SPOUT1: variants seen among roughly 807,000 people sequenced by gnomAD.
The protein encoded by SPOUT1 is 28S rRNA (uridine-N(3))-methyltransferase.
A neutral mutation model predicts 54.8 loss-of-function variants in SPOUT1; 40 were observed. The ratio of observed to expected loss-of-function variants is 0.73; its 90% CI spans 0.57 to 0.95. The LOEUF (loss-of-function observed/expected upper bound fraction) is 0.95, where lower values mean the gene tolerates loss of function less well. Ranked by LOEUF, SPOUT1 falls within the 40% of genes least tolerant of loss-of-function variation. The probability of loss-of-function intolerance (pLI) is 0.00; values close to 1 mark genes in which losing one functional copy is unlikely to be tolerated. For missense variants in SPOUT1, 437 were observed against 499.5 expected (o/e 0.87, Z 1.19); for synonymous variants, 193 against 200.3 (o/e 0.96, Z 0.31).
rs1830156188 is a variant in SPOUT1 at position 128,822,886 on chromosome 9, C to T, written c.1063-53G>A. 3 of 1,344,188 alleles carry T rather than the reference C, an allele frequency of 2.2e-6. No individual in the cohort carries two copies. In the African/African-American group the frequency reaches 4.3e-5, roughly 19 times the overall value. 83.3% of individuals were successfully genotyped at this position (1,344,188 alleles called of 1,614,324 possible). A position where few individuals can be genotyped will look rare whatever the true frequency, so the allele number is the denominator to read the frequency against. ...GGGCCTGGGGGGCTAGCGGGTGCCC[C>T]CGCTCCCAGCCTGTCTTCAGTGCCT... On this transcript the variant is annotated intron_variant, in intron 11 of 11. Transcript: ENST00000361256.
chr9:128,824,731 G>GGGAT (rs1830203944), intron 9 of SPOUT1, 40 bp downstream of exon 9: 3 of 1,495,220 alleles, frequency 2.0e-6, no homozygotes, highest in African/African-American at 1.4e-5. Flanking sequence ...ACCTCCCAGA[G>GGGAT]GGATGGATGG....
In SPOUT1 at chr9:128,826,754, C is replaced by T. The variant is rs2997913; in HGVS notation, c.369-125G>A. 0.66 allele frequency: 466,470 copies of T among 706,870 alleles called. 163,243 individuals carry two copies. Among genetic ancestry groups the T allele is most frequent in the Non-Finnish European group, 0.72 (309,703 of 428,046 alleles). 43.8% of individuals were successfully genotyped at this position (706,870 alleles called of 1,614,324 possible). On this transcript the variant is annotated intron_variant, in intron 4 of 11. Transcript: ENST00000361256. The surrounding 1 kb of genome is among the most constrained non-coding windows in gnomAD (Gnocchi z 5.5). ...AGGTGGGAGGATCATCTGAGTGCAGCAAGTAGAGGCTGCAGTGAGCCATGA... is the reference window on the plus strand; with the variant it reads ...AGGTGGGAGGATCATCTGAGTGCAGTAAGTAGAGGCTGCAGTGAGCCATGA...
In SPOUT1 at chr9:128,826,150, G is replaced by A; in HGVS notation, c.511C>T (p.Leu171Phe). The A allele has an allele frequency of 1.9e-6, 3 of 1,604,122 alleles. No individual in the cohort carries two copies. The highest frequency in any genetic ancestry group is 2.7e-5 in the African/African-American group (2 of 74,866). Residue 171 changes from leucine (L) to phenylalanine (F), a missense_variant and splice_region_variant, in exon 7 of 12, where the codon CTC becomes TTC. By Grantham distance (22) the Leu-to-Phe change is conservative. Coordinates refer to ENST00000361256, the MANE Select transcript of SPOUT1 (RefSeq NM_016390.4). This position sits in a 1 kb window ranked among gnomAD's most constrained non-coding sequence, Gnocchi z 5.5. ...TGGGGGCTGTCCAGGGGGTTCAGGA[G>A]CCCTGTGGAGGCAGAGCCGGGAAGA... ...PKHQDLQFAG[L>F]LNPLDSPHHM...
intron 3 of SPOUT1, among the ~76,000 whole-genome samples, chr9:128,827,581 C>A (rs1830265302): frequency 6.6e-6 from 1 of 152,242 alleles, no homozygotes. Context: ...TGCCATTATC[C>A]CCATTTACAG....
chr9:128,826,438 G>A lies in SPOUT1; in HGVS notation c.459-5C>T, dbSNP rs1564436030. 1.2e-6 allele frequency: 2 copies of A among 1,613,926 alleles called. No individual in the cohort carries two copies. Among genetic ancestry groups the A allele is most frequent in the South Asian group, 1.1e-5 (1 of 91,082 alleles). On this transcript the variant is annotated splice_polypyrimidine_tract_variant and splice_region_variant and intron_variant, in intron 5 of 11. Coordinates refer to ENST00000361256, the MANE Select transcript of SPOUT1 (RefSeq NM_016390.4). The surrounding 1 kb of genome is among the most constrained non-coding windows in gnomAD (Gnocchi z 5.5). ...AAGAACGCCTTCCTCAGGTACCTAG[G>A]AAAGAATGCTGACCTCAGGATGTTC...
At position 128,829,746 on chromosome 9, in the gene SPOUT1, G is replaced by C. The variant is rs770160608; in HGVS notation, c.35C>G (p.Pro12Arg). Residue 12 changes from proline to arginine, a missense_variant and splice_region_variant, in exon 1 of 12, where the codon CCG becomes CGG. Transcript: ENST00000361256. ...AERGRKRPCGPGEHGQRIEWR... is the reference protein window; with the variant it reads ...AERGRKRPCGRGEHGQRIEWR... Reference sequence around the variant, plus strand: ...CGGGGTCCCGCCGCCCGCACTTACCGGGCCGCACGGCCGCTTCCTGCCGCG... The same window carrying C: ...CGGGGTCCCGCCGCCCGCACTTACCCGGCCGCACGGCCGCTTCCTGCCGCG... The C allele has an allele frequency of 2.7e-5, 44 of 1,601,010 alleles. 1 individual carries two copies. Among genetic ancestry groups the C allele is most frequent in the South Asian group, 1.9e-4 (17 of 88,994 alleles).
intron 3 of SPOUT1, 144 bp from the exon 4 acceptor site, chr9:128,827,335 C>T: frequency 1.5e-6 from 1 of 681,842 alleles, no homozygotes; most frequent in Admixed American, 2.9e-5. Context: ...ATCCAGCTCC[C>T]CTCTCTGGGC....
rs1218490671 is a variant in SPOUT1 at position 128,822,286 on chromosome 9, C to T, written c.*479G>A. 2.5e-6 allele frequency: 4 copies of T among 1,592,706 alleles called. No homozygotes were observed. The highest frequency in any genetic ancestry group is 3.4e-6 in the Non-Finnish European group (4 of 1,169,088). On this transcript the variant is annotated 3_prime_UTR_variant, in exon 12 of 12. Coordinates refer to ENST00000361256, the MANE Select transcript of SPOUT1 (RefSeq NM_016390.4). ...TGCCTGGAAGAGGTGGCTTTGGGTT[C>T]ATCCAGGCCCCCTGCCCACGTGTGC...
Position 128,822,403 on chromosome 9 carries a change from C to G in SPOUT1, c.*362G>C, listed in dbSNP as rs139145426. On this transcript the variant is annotated 3_prime_UTR_variant, in exon 12 of 12. Transcript: ENST00000361256. ...ACCACGTGGCAGTGCCCACACACTT[C>G]TTCAAGGTGCTGATCCTGGAGGCAG... The G allele has an allele frequency of 6.2e-7, 1 of 1,611,864 alleles. No homozygotes were observed. The highest frequency in any genetic ancestry group is 8.5e-7 in the Non-Finnish European group (1 of 1,179,190).
rs376539429 is a variant in SPOUT1, at chr9:128,826,514, C to A, written c.458+26G>T. The A allele has an allele frequency of 6.2e-7, 1 of 1,610,132 alleles. No homozygotes were observed. Among genetic ancestry groups the A allele is most frequent in the Admixed American group, 1.7e-5 (1 of 59,956 alleles). ...TCTCCACTTTGACACACCCCTCCCT[C>A]ATGCTTAGGGGAGTGACCCCCTTAC... On this transcript the variant is annotated intron_variant, in intron 5 of 11. Transcript: ENST00000361256. The surrounding 1 kb of genome is among the most constrained non-coding windows in gnomAD (Gnocchi z 5.5).
rs555294119 is a variant in SPOUT1 at position 128,826,324 on chromosome 9, G to C, written c.508+60C>G. On this transcript the variant is annotated intron_variant, in intron 6 of 11. Coordinates refer to ENST00000361256, the MANE Select transcript of SPOUT1 (RefSeq NM_016390.4). The surrounding 1 kb of genome is among the most constrained non-coding windows in gnomAD (Gnocchi z 5.5). ...TGGACAGCGCAGGGTAGGACTGGGT[G>C]GTCTCAGTGTCTGTGGCATGATCCA... 1.5e-4 allele frequency: 244 copies of C among 1,585,820 alleles called. No individual in the cohort carries two copies. In the African/African-American group the frequency reaches 3.0e-3, roughly 19 times the overall value.
Position 128,826,148 on chromosome 9 carries a change from G to T in SPOUT1, c.513C>A (p.Leu171=). The T allele has an allele frequency of 6.2e-7, 1 of 1,604,172 alleles. No homozygotes were observed. Among genetic ancestry groups the T allele is most frequent in the Non-Finnish European group, 8.5e-7 (1 of 1,174,848 alleles). Residue 171 remains leucine (L), a synonymous_variant, in exon 7 of 12, where the codon CTC becomes CTA. Coordinates refer to ENST00000361256, the MANE Select transcript of SPOUT1 (RefSeq NM_016390.4). This position sits in a 1 kb window ranked among gnomAD's most constrained non-coding sequence, Gnocchi z 5.5. Reference sequence around the variant, plus strand: ...GGTGGGGGCTGTCCAGGGGGTTCAGGAGCCCTGTGGAGGCAGAGCCGGGAA... The same window carrying T: ...GGTGGGGGCTGTCCAGGGGGTTCAGTAGCCCTGTGGAGGCAGAGCCGGGAA... ...PKHQDLQFAG[L]LNPLDSPHHM...
rs1278184583 is a variant in SPOUT1 at position 128,822,429 on chromosome 9, C to A, written c.*336G>T. The A allele has an allele frequency of 6.2e-7, 1 of 1,602,716 alleles. No homozygotes were observed. Among genetic ancestry groups the A allele is most frequent in the East Asian group, 2.3e-5 (1 of 44,328 alleles). On this transcript the variant is annotated 3_prime_UTR_variant, in exon 12 of 12. Transcript: ENST00000361256. ...TTCAAGGTGCTGATCCTGGAGGCAG[C>A]AGGTGGGCAAATTGAGCTCCGCACC...
At position 128,822,862 on chromosome 9, in the gene SPOUT1, G is replaced by T. The variant is rs1428262393; in HGVS notation, c.1063-29C>A. 2.0e-6 allele frequency: 3 copies of T among 1,518,892 alleles called. No individual in the cohort carries two copies. In the African/African-American group the frequency reaches 4.1e-5, roughly 21 times the overall value. The allele number at this position is 1,518,892 out of a possible 1,614,324, so 94.1% of individuals were successfully genotyped here. A position where few individuals can be genotyped will look rare whatever the true frequency, so the allele number is the denominator to read the frequency against. ...GAAGAGAAGCGTGGCAGTGGGCTGG[G>T]GCCTGGGGGGCTAGCGGGTGCCCCC... On this transcript the variant is annotated intron_variant, in intron 11 of 11. Coordinates refer to ENST00000361256, the MANE Select transcript of SPOUT1 (RefSeq NM_016390.4).
At position 128,822,561 on chromosome 9, in the gene SPOUT1, TC is replaced by T; in HGVS notation, c.*203del. On this transcript the variant is annotated 3_prime_UTR_variant, in exon 12 of 12. Coordinates refer to ENST00000361256, the MANE Select transcript of SPOUT1 (RefSeq NM_016390.4). ...TCGGGGCTGCTCTTTGTGCCAAACA[TC>T]CTGGCGCGGGCAGGCAGCCTCAAGG... The T allele has an allele frequency of 6.4e-7, 1 of 1,564,172 alleles. No homozygotes were observed. The highest frequency in any genetic ancestry group is 8.7e-7 in the Non-Finnish European group (1 of 1,154,076).
Position 128,821,041 on chromosome 9 carries a change from C to T in SPOUT1, c.*1724G>A. The T allele has an allele frequency of 1.7e-6, 1 of 597,882 alleles. No homozygotes were observed. Among genetic ancestry groups the T allele is most frequent in the Non-Finnish European group, 3.0e-6 (1 of 335,938 alleles). The allele number at this position is 597,882 out of a possible 1,614,324, so 37.0% of individuals were successfully genotyped here. On this transcript the variant is annotated 3_prime_UTR_variant, in exon 12 of 12. Transcript: ENST00000361256. ...TCCACAGCCAAAGACCTGTCGGGTA[C>T]CCCTGACCATCTCTCCTCTGCCCAT...
chr9:128,824,293 T>C (rs1434378858), intron 9 of SPOUT1, 119 bp from the exon 10 acceptor site: 3 of 602,682 alleles, frequency 5.0e-6, no homozygotes, highest in Non-Finnish European at 9.1e-6. Context: ...TGTGTGTGTG[T>C]GTGTGTGCGT....
Position 128,826,896 on chromosome 9 carries a change from G to T in SPOUT1, c.368+136C>A. 1 of 971,108 alleles carries T rather than the reference G, an allele frequency of 1.0e-6. No individual in the cohort carries two copies. Among genetic ancestry groups the T allele is most frequent in the Non-Finnish European group, 1.6e-6 (1 of 642,912 alleles). The allele number at this position is 971,108 out of a possible 1,614,324, so 60.2% of individuals were successfully genotyped here. ...CCACCTGGCAACTCTACCCACTAAGGATTACACAGGGAATATTTCAGGCAG... is the reference window on the plus strand; with the variant it reads ...CCACCTGGCAACTCTACCCACTAAGTATTACACAGGGAATATTTCAGGCAG... On this transcript the variant is annotated intron_variant, in intron 4 of 11. Coordinates refer to ENST00000361256, the MANE Select transcript of SPOUT1 (RefSeq NM_016390.4). This position sits in a 1 kb window ranked among gnomAD's most constrained non-coding sequence, Gnocchi z 5.5.
chr9:128,823,663 G>C (rs912288397), intron 11 of SPOUT1, 84 bp downstream of exon 11: 10 of 1,284,558 alleles, frequency 7.8e-6, no homozygotes, highest in East Asian at 2.5e-5. Context: ...GGCAAGGGTG[G>C]GTGACAGGGC....
Sources: allele counts gnomAD v4.1 joint callset (sites outside exome capture counted in the v4.1 genomes callset), GRCh38; gene constraint gnomAD v4.1.1; non-coding constraint Gnocchi (gnomAD v3.1); transcripts MANE v1.5; gene names NCBI Gene and HGNC (gene_info 2026-07-23, HGNC 2026-07-21).